GPR158: variants seen among roughly 807,000 people sequenced by gnomAD.
GPR158 encodes the protein G protein-coupled receptor 158, also known as metabotropic glycine receptor.
Under a neutral mutation model 78.2 loss-of-function variants are expected in GPR158, and 30 were observed. That is an observed-to-expected ratio of 0.38 (90% CI 0.29 to 0.52). GPR158 has a LOEUF of 0.52. Among genes scored for constraint, GPR158 ranks in the 20% least tolerant of loss-of-function variants. GPR158 has a pLI of 0.83. For missense variants in GPR158, 1,463 were observed against 1,523.5 expected, an observed-to-expected ratio of 0.96 and a Z score of 0.66; for synonymous variants, 581 against 591.1, an observed-to-expected ratio of 0.98 and a Z score of 0.25.
intron 7 of GPR158, among the ~76,000 whole-genome samples, chr10:25,575,247 A>G (rs1195685276): frequency 2.0e-5 from 3 of 152,214 alleles, no homozygotes; most frequent in Non-Finnish European, 2.9e-5. Context: ...GTTTATTGAA[A>G]AAGTCTTAGA....
chr10:25,511,960 G>C (rs976962125), intron 5 of GPR158, among the ~76,000 whole-genome samples: 1 of 152,098 alleles, frequency 6.6e-6, no homozygotes, highest in African/African-American at 2.4e-5. Context: ...TTGAAGTCGG[G>C]TAATGTGATG....
At chr10:25,341,547 G>A (rs1437537377) in intron 2 of GPR158, among the ~76,000 whole-genome samples, 1 of 151,848 alleles carries the variant, frequency 6.6e-6, no homozygotes, top group East Asian at 1.9e-4. Flanking sequence ...GAATCCAGGA[G>A]AGAAAAAGAA....
At chr10:25,378,388 A>G (rs1000484922) in intron 2 of GPR158, among the ~76,000 whole-genome samples, 1 of 138,512 alleles carries the variant, frequency 7.2e-6, no homozygotes, top group Non-Finnish European at 1.6e-5. Flanking sequence ...GAAAAACTAC[A>G]TAACAATGAT....
chr10:25,199,747 T>C (rs949633220), intron 1 of GPR158, among the ~76,000 whole-genome samples: 3 of 152,122 alleles, frequency 2.0e-5, no homozygotes, highest in African/African-American at 7.2e-5. Flanking sequence ...TCTACCATGA[T>C]TGTAAGTTTC....
chr10:25,579,180 C>A (rs537833383), intron 7 of GPR158, among the ~76,000 whole-genome samples: 116 of 151,268 alleles, frequency 7.7e-4, no homozygotes, highest in African/African-American at 2.7e-3. Context: ...ATCCTCCTAC[C>A]CTGGTTGGTA....
chr10:25,198,837 A>G (rs1271702991), intron 1 of GPR158, among the ~76,000 whole-genome samples: 1 of 152,038 alleles, frequency 6.6e-6, no homozygotes, highest in African/African-American at 2.4e-5. Context: ...TATTAATATA[A>G]CTAACAACTT....
Position 25,292,195 on chromosome 10 carries a change from GGTAGAA to G in GPR158, c.1008+71045_1008+71050del, listed in dbSNP as rs1209303620. Among the ~76,000 whole-genome samples, 4 of 151,890 alleles carry G rather than the reference GGTAGAA, an allele frequency of 2.6e-5. No individual in the cohort carries two copies. The East Asian group carries it at 7.7e-4, about 29-fold the overall frequency. On this transcript the variant is annotated intron_variant, in intron 2 of 10. Coordinates refer to ENST00000376351, the MANE Select transcript of GPR158 (RefSeq NM_020752.3). ...ATAATAGACAGTGGTGGGGGTGGGG[GGTAGAA>G]GTAGAAAAAAGGCACTTAAGTAAAA...
chr10:25,329,740 G>A (rs942233387), intron 2 of GPR158, among the ~76,000 whole-genome samples: 4 of 151,776 alleles, frequency 2.6e-5, no homozygotes, highest in African/African-American at 9.7e-5. Flanking sequence ...ACATCTAGCA[G>A]ATCTCACAAC....
chr10:25,372,261 G>A (rs1347736824), intron 2 of GPR158, among the ~76,000 whole-genome samples: 1 of 152,016 alleles, frequency 6.6e-6, no homozygotes, highest in Non-Finnish European at 1.5e-5. Context: ...CTGTTGGTGG[G>A]ACTATAAACT....
intron 2 of GPR158, among the ~76,000 whole-genome samples, chr10:25,258,209 C>T (rs1355008270): frequency 6.6e-6 from 1 of 152,170 alleles, no homozygotes; most frequent in Admixed American, 6.5e-5. Flanking sequence ...ATTTAGGGCA[C>T]TTAATCACCA....
intron 2 of GPR158, among the ~76,000 whole-genome samples, chr10:25,280,159 C>T (rs748730552): frequency 3.9e-5 from 6 of 151,942 alleles, no homozygotes; most frequent in Admixed American, 3.9e-4. Flanking sequence ...AATGAAGTTG[C>T]TTGTTAAAAG....
At chr10:25,490,663 G>A (rs551516910) in intron 5 of GPR158, among the ~76,000 whole-genome samples, 14 of 147,962 alleles carry the variant, frequency 9.5e-5, no homozygotes, top group Admixed American at 8.2e-4. Context: ...TGGTGTATAT[G>A]TGCCACATTT....
rs148885629 is a variant in GPR158, at chr10:25,474,723, G to A, written c.1404+8004G>A. 1.4e-4 allele frequency among the ~76,000 whole-genome samples: 21 copies of A among 152,188 alleles called. No individual in the cohort carries two copies. The East Asian group carries it at 2.3e-3, about 17-fold the overall frequency. ...AGCAATTAGCCCAGTGCCTGTCACC[G>A]TAGTAGAAGCACAGTAAATAGGCAC... On this transcript the variant is annotated intron_variant, in intron 5 of 10. Transcript: ENST00000376351.
intron 2 of GPR158, among the ~76,000 whole-genome samples, chr10:25,277,459 G>GA (rs57381086): frequency 0.21 from 31,155 of 151,370 alleles, 5,808 homozygotes; most frequent in African/African-American, 0.49. Context: ...GACTTTGGGG[G>GA]AAAAAAGCAA....
At chr10:25,422,996 T>C (rs1271149658) in intron 4 of GPR158, among the ~76,000 whole-genome samples, 2 of 152,004 alleles carry the variant, frequency 1.3e-5, no homozygotes, top group Admixed American at 1.3e-4. Context: ...CAATAATAGT[T>C]TCCAGTTCCA....
chr10:25,530,842 T>C (rs190064987), intron 5 of GPR158, among the ~76,000 whole-genome samples: 22 of 152,336 alleles, frequency 1.4e-4, no homozygotes, highest in African/African-American at 5.0e-4. Context: ...TTTTCCAGCC[T>C]TGTGTCAGCT....
chr10:25,395,912 G>C lies in GPR158; in HGVS notation c.1010G>C (p.Cys337Ser). ...GTTGCTGTCTTTTCTTCTTCATAGT[G>C]TATGCCAATTAAAGGCCTAGGATTC... ...THKCHLNNSECMPIKGLGFVL... is the reference protein window; with the variant it reads ...THKCHLNNSESMPIKGLGFVL... Residue 337 changes from cysteine to serine, a missense_variant and splice_region_variant, in exon 3 of 11, where the codon TGT (cysteine) becomes TCT (serine). Coordinates refer to ENST00000376351, the MANE Select transcript of GPR158 (RefSeq NM_020752.3). The C allele has an allele frequency of 6.6e-7, 1 of 1,513,704 alleles. No individual in the cohort carries two copies. The highest frequency in any genetic ancestry group is 1.4e-5 in the African/African-American group (1 of 73,112). 93.8% of individuals were successfully genotyped at this position (1,513,704 alleles called of 1,614,324 possible).
intron 2 of GPR158, among the ~76,000 whole-genome samples, chr10:25,266,946 T>C (rs1854052602): frequency 6.6e-6 from 1 of 152,190 alleles, no homozygotes; most frequent in African/African-American, 2.4e-5. Flanking sequence ...AGCTAATTTA[T>C]TTACTTGGAT....
intron 6 of GPR158, among the ~76,000 whole-genome samples, chr10:25,571,093 G>A (rs1201994833): frequency 1.1e-5 from 1 of 89,924 alleles, no homozygotes; most frequent in Non-Finnish European, 1.8e-5. Context: ...GATATTACCT[G>A]CCAGTGTTAG....
Sources: gnomAD v4.1 joint callset for allele counts (sites outside exome capture counted in the v4.1 genomes callset) on GRCh38, gnomAD v4.1.1 for gene constraint, MANE v1.5 for transcripts, NCBI Gene and HGNC (gene_info 2026-07-23, HGNC 2026-07-21) for gene names.